CCDC88C: variants seen among roughly 807,000 people sequenced by gnomAD.
CCDC88C encodes protein Daple.
Under a neutral mutation model 198.8 loss-of-function variants are expected in CCDC88C, and 131 were observed. That is an observed-to-expected ratio of 0.66 (90% CI 0.57 to 0.76). The LOEUF is 0.76. Among genes scored for constraint, CCDC88C ranks in the 30% least tolerant of loss-of-function variants. The pLI is 0.00. For missense variants in CCDC88C, 2,553 were observed against 2,631.6 expected (o/e 0.97, Z 0.65); for synonymous variants, 1,166 against 1,114.7 (o/e 1.05, Z -0.92).
intron 20 of CCDC88C, among the ~76,000 whole-genome samples, chr14:91,301,905 CAAT>C (rs1891310156): frequency 6.6e-6 from 1 of 152,102 alleles, no homozygotes; most frequent in Admixed American, 6.5e-5. Context: ...ACCACGTACA[CAAT>C]AAATGTCACA....
chr14:91,397,704 C>T (rs944130852), intron 3 of CCDC88C, among the ~76,000 whole-genome samples: 1 of 152,334 alleles, frequency 6.6e-6, no homozygotes, highest in Non-Finnish European at 1.5e-5. Context: ...CTGAAGCAAC[C>T]CGGTCCCTTC....
At position 91,313,173 on chromosome 14, in the gene CCDC88C, G is replaced by A. The variant is rs189115368; in HGVS notation, c.2643C>T (p.Asp881=). The change falls in exon 15 of 30, where the codon GAC becomes GAT. Residue 881 remains aspartate, a synonymous_variant. Coordinates refer to ENST00000389857, the MANE Select transcript of CCDC88C (RefSeq NM_001080414.4). This position sits in a 1 kb window ranked among gnomAD's most constrained non-coding sequence, Gnocchi z 5.2. ...CCAGCTCCTTCAGCTTGCCGGCTGCGTCCCTGCAGCGGGCCAGCTCCTTGT... is the reference window on the plus strand; with the variant it reads ...CCAGCTCCTTCAGCTTGCCGGCTGCATCCCTGCAGCGGGCCAGCTCCTTGT... ...ALDKELARCR[D]AAGKLKELEK... is the part of the protein sequence containing the mutation. 53 of 1,612,184 alleles carry A rather than the reference G, an allele frequency of 3.3e-5. No homozygotes were observed. The highest frequency in any genetic ancestry group is 2.3e-4 in the Admixed American group (14 of 60,000).
At position 91,306,848 on chromosome 14, in the gene CCDC88C, A is replaced by T. The variant is rs1596050325; in HGVS notation, c.3195+190T>A. 2.6e-5 allele frequency among the ~76,000 whole-genome samples: 4 copies of T among 152,374 alleles called. No individual in the cohort carries two copies. In the South Asian group the frequency reaches 8.3e-4, roughly 32 times the overall value. On this transcript the variant is annotated intron_variant, in intron 18 of 29. Transcript: ENST00000389857. ...GCCATGAAGGCTGTGTGTGCCCCTG[A>T]TGTGAGAATCACGGAAGGGACCTCA...
At chr14:91,321,338 T>C in intron 12 of CCDC88C, 34 bp from the exon 13 acceptor site, 1 of 1,544,718 alleles carries the variant, frequency 6.5e-7, no homozygotes, top group Non-Finnish European at 8.7e-7. Flanking sequence ...CCCAGTGGTC[T>C]GTGGGCCTCC....
intron 17 of CCDC88C, 35 bp from the exon 18 acceptor site, chr14:91,307,261 C>T (rs933195921): frequency 5.2e-5 from 83 of 1,600,320 alleles, no homozygotes; most frequent in Non-Finnish European, 5.9e-5. Context: ...AGGCTTTAGG[C>T]GGAAGCAGCC....
chr14:91,365,088 A>G (rs1163537780), intron 3 of CCDC88C, among the ~76,000 whole-genome samples: 1 of 152,064 alleles, frequency 6.6e-6, no homozygotes, highest in Non-Finnish European at 1.5e-5. Context: ...GACGCTAAGC[A>G]CTTGTCACTG....
At chr14:91,285,081 CTCTG>C (rs1316989837) in intron 25 of CCDC88C, among the ~76,000 whole-genome samples, 2 of 152,296 alleles carry the variant, frequency 1.3e-5, no homozygotes, top group East Asian at 3.9e-4. Context: ...CTGGGCTGAA[CTCTG>C]TCTGGGCAAA....
intron 4 of CCDC88C, among the ~76,000 whole-genome samples, chr14:91,358,298 G>A (rs1368913236): frequency 1.5e-5 from 2 of 136,918 alleles, no homozygotes; most frequent in East Asian, 4.0e-4. Context: ...CTGAGGAGAC[G>A]CCAACAGAGG....
intron 10 of CCDC88C, among the ~76,000 whole-genome samples, chr14:91,333,121 T>C (rs1399363680): frequency 6.6e-6 from 1 of 152,236 alleles, no homozygotes; most frequent in African/African-American, 2.4e-5. Flanking sequence ...TCCATTTGGA[T>C]GACAGCCACT....
At chr14:91,316,675 T>C (rs887523031) in intron 13 of CCDC88C, among the ~76,000 whole-genome samples, 1 of 152,220 alleles carries the variant, frequency 6.6e-6, no homozygotes, top group Non-Finnish European at 1.5e-5. Context: ...TCTCCCAAAG[T>C]GCTGGGGTTA....
intron 3 of CCDC88C, among the ~76,000 whole-genome samples, chr14:91,364,492 C>T (rs557866497): frequency 1.1e-4 from 16 of 152,180 alleles, no homozygotes; most frequent in African/African-American, 3.4e-4. Context: ...ACTGGTGTCC[C>T]TAGGGGTTGG....
At chr14:91,358,133 G>A (rs1894127719) in intron 4 of CCDC88C, among the ~76,000 whole-genome samples, 1 of 152,206 alleles carries the variant, frequency 6.6e-6, no homozygotes, top group South Asian at 2.1e-4. Flanking sequence ...GGAAGCCGCT[G>A]CTGATGTTCT....
rs137879294 is a variant in CCDC88C, at chr14:91,360,435, A to G, written c.271-724T>C. Among the ~76,000 whole-genome samples, 988 of 152,158 alleles carry G rather than the reference A, an allele frequency of 6.5e-3. 14 individuals carry two copies. The highest frequency in any genetic ancestry group is 0.023 in the African/African-American group (939 of 41,500). On this transcript the variant is annotated intron_variant, in intron 3 of 29. Transcript: ENST00000389857. ...ACTCCAGCCTGGGGAACAGATGGAGATCCTGTCTCCAAAAAAGAAAATAAG... is the reference window on the plus strand; with the variant it reads ...ACTCCAGCCTGGGGAACAGATGGAGGTCCTGTCTCCAAAAAAGAAAATAAG...
At chr14:91,350,001 C>A (rs948719522) in intron 4 of CCDC88C, among the ~76,000 whole-genome samples, 3 of 152,176 alleles carry the variant, frequency 2.0e-5, no homozygotes, top group Non-Finnish European at 4.4e-5. Flanking sequence ...AACTAGGCCT[C>A]AGAATCCTTC....
rs759175253 is a variant in CCDC88C, at chr14:91,272,807, G to A, written c.5905C>T (p.Pro1969Ser). 1.3e-6 allele frequency: 2 copies of A among 1,599,138 alleles called. No individual in the cohort carries two copies. The highest frequency in any genetic ancestry group is 1.1e-5 in the South Asian group (1 of 90,172). ...AGCCCCTCACTGCAGCCCTGCCCCG[G>A]GACCCCGTCTCCCTCTGAGAGGCTG... is the stretch of plus-strand genomic sequence containing the variant. ...GLSLSEGDGV[P>S]GQGCSEGLPA... Residue 1969 changes from proline (P) to serine (S), a missense_variant, in exon 30 of 30, where the codon CCG (proline) becomes TCG (serine). Physicochemically the swap from Pro to Ser is moderately conservative, Grantham distance 74 (BLOSUM62 -1). Coordinates refer to ENST00000389857, the MANE Select transcript of CCDC88C (RefSeq NM_001080414.4).
In CCDC88C at chr14:91,297,375, C is replaced by A. The variant is rs374567170; in HGVS notation, c.3896G>T (p.Arg1299Leu). 6.2e-7 allele frequency: 1 copy of A among 1,613,486 alleles called. No homozygotes were observed. Among genetic ancestry groups the A allele is most frequent in the South Asian group, 1.1e-5 (1 of 90,922 alleles). The stretch of plus-strand genomic sequence containing the variant: ...GTGCTGCTCCTTCAGCTCGTCGAAG[C>A]GGGCCTGCCAGCGGTTGAGCTCCAG... ...AQLELNRWQA[R>L]FDELKEQHQT... is the part of the protein sequence containing the mutation. The change falls in exon 22 of 30, where the codon CGC becomes CTC. Residue 1299 changes from arginine to leucine, a missense_variant. Physicochemically the swap from Arg to Leu is moderately radical, Grantham distance 102. Coordinates refer to ENST00000389857, the MANE Select transcript of CCDC88C (RefSeq NM_001080414.4).
rs530478258 is a variant in CCDC88C, at chr14:91,281,186, A to G, written c.4699+271T>C. 2.3e-4 allele frequency: 176 copies of G among 753,810 alleles called. 1 individual carries two copies. The African/African-American group carries it at 3.0e-3, about 13-fold the overall frequency. 46.7% of individuals were successfully genotyped at this position (753,810 alleles called of 1,614,324 possible). On this transcript the variant is annotated intron_variant, in intron 27 of 29. Transcript: ENST00000389857. ...CCTGGGCCACCGGAACTTCCTGGCC[A>G]GCCTGGAAGGGTGCTTGAAGGCATG... is the stretch of plus-strand genomic sequence containing the variant.
chr14:91,332,041 C>T lies in CCDC88C; in HGVS notation c.1050+5964G>A, dbSNP rs186905313. Among the ~76,000 whole-genome samples, 96 of 152,218 alleles carry T rather than the reference C, an allele frequency of 6.3e-4. 1 individual carries two copies. The East Asian group carries it at 0.018, about 29-fold the overall frequency. On this transcript the variant is annotated intron_variant, in intron 10 of 29. Transcript: ENST00000389857. ...TCTCTGCCCCTGAGTGCAGACTCTG[C>T]CCAGCTAGGTCTCTGCCCCTCGGGC...
At chr14:91,329,236 C>A (rs374229345) in intron 10 of CCDC88C, among the ~76,000 whole-genome samples, 1 of 152,240 alleles carries the variant, frequency 6.6e-6, no homozygotes, top group African/African-American at 2.4e-5. Context: ...GCAGGTCTGT[C>A]CTATTCAACG....
Sources: gnomAD v4.1 joint callset for allele counts (sites outside exome capture counted in the v4.1 genomes callset) on GRCh38, gnomAD v4.1.1 for gene constraint, Gnocchi (gnomAD v3.1) non-coding constraint, MANE v1.5 for transcripts, NCBI Gene and HGNC (gene_info 2026-07-23, HGNC 2026-07-21) for gene names.